TOP2B: variants seen among roughly 807,000 people sequenced by gnomAD.
TOP2B encodes DNA topoisomerase 2-beta.
Under a neutral mutation model 193.5 loss-of-function variants are expected in TOP2B, and 51 were observed. The ratio of observed to expected loss-of-function variants is 0.26; its 90% CI spans 0.21 to 0.33. The LOEUF (loss-of-function observed/expected upper bound fraction) is 0.33, where lower values mean the gene tolerates loss of function less well. TOP2B is among the 10% of genes least tolerant of loss of function. TOP2B has a pLI of 1.00. For synonymous variants in TOP2B, 634 were observed against 635.7 expected (o/e 1.00, Z 0.04); for missense variants, 1,378 against 1,909.3 (o/e 0.72, Z 5.19).
intron 7 of TOP2B, among the ~76,000 whole-genome samples, chr3:25,635,721 A>G (rs1703089143): frequency 6.6e-6 from 1 of 152,112 alleles, no homozygotes; most frequent in Admixed American, 6.6e-5. Flanking sequence ...GTATCAAATA[A>G]TGTAACATAT....
chr3:25,600,775 CAGTT>C (rs1702071809), intron 34 of TOP2B, among the ~76,000 whole-genome samples: 1 of 152,190 alleles, frequency 6.6e-6, no homozygotes, highest in Non-Finnish European at 1.5e-5. Context: ...ATAAGTGTCA[CAGTT>C]AGTGTGGAGT....
At chr3:25,633,740 T>C (rs2125382265) in intron 8 of TOP2B, 101 bp downstream of exon 8, 1 of 985,486 alleles carries the variant, frequency 1.0e-6, no homozygotes, top group Middle Eastern at 3.5e-4. Flanking sequence ...CAAAAACAGA[T>C]TTGGGTTTTT....
chr3:25,600,371 G>C (rs1332932233), intron 34 of TOP2B, among the ~76,000 whole-genome samples: 1 of 152,170 alleles, frequency 6.6e-6, no homozygotes, highest in Non-Finnish European at 1.5e-5. Context: ...CAGGGAAATA[G>C]CATTTTTGAA....
At chr3:25,650,102 A>C (rs1703541370) in intron 1 of TOP2B, among the ~76,000 whole-genome samples, 1 of 152,214 alleles carries the variant, frequency 6.6e-6, no homozygotes, top group African/African-American at 2.4e-5. Flanking sequence ...TCAGGATTAT[A>C]AGATGGATGC....
chr3:25,612,723 A>G lies in TOP2B; in HGVS notation c.3592-14T>C, dbSNP rs756656732. Reference sequence around the variant, plus strand: ...AGATTCCACTTTCTAAAGTATAATCATAAGGCAGAAGGAACATAAACAACT... The same window carrying G: ...AGATTCCACTTTCTAAAGTATAATCGTAAGGCAGAAGGAACATAAACAACT... On this transcript the variant is annotated splice_polypyrimidine_tract_variant and intron_variant, in intron 27 of 35. Transcript: ENST00000264331. The G allele has an allele frequency of 3.1e-6, 5 of 1,605,746 alleles. No homozygotes were observed. In the Admixed American group the frequency reaches 8.4e-5, roughly 27 times the overall value.
At chr3:25,621,986 CT>C (rs1490499860) in intron 21 of TOP2B, among the ~76,000 whole-genome samples, 7 of 149,522 alleles carry the variant, frequency 4.7e-5, no homozygotes, top group Admixed American at 4.0e-4. Context: ...GAGACTCTGT[CT>C]CAGAAAAAAA....
At position 25,637,265 on chromosome 3, in the gene TOP2B, T is replaced by C; in HGVS notation, c.589A>G (p.Lys197Glu). The change falls in exon 6 of 36, where the codon AAG (lysine) becomes GAG (glutamate). Residue 197 changes from lysine (K) to glutamate (E), a missense_variant. By Grantham distance (56) the Lys-to-Glu change is moderately conservative. Transcript: ENST00000264331. ...TTGCAAGCTGTTTCTACTGTAAACT[T>C]TGTACTGAAAATATTACAAAGTTTT... ...GAKLCNIFST[K>E]FTVETACKEY... 2 of 1,561,206 alleles carry C rather than the reference T, an allele frequency of 1.3e-6. No homozygotes were observed. The highest frequency in any genetic ancestry group is 1.7e-6 in the Non-Finnish European group (2 of 1,151,114).
rs573937337 is a variant in TOP2B, at chr3:25,599,741, C to A, written c.4616-212G>T. On this transcript the variant is annotated intron_variant, in intron 34 of 35. Coordinates refer to ENST00000264331, the MANE Select transcript of TOP2B (RefSeq NM_001330700.2). ...AGACTTTTTGACAAATACATTTAAACTAGTGGGAAAGTCCCAAAGACAAAT... is the reference window on the plus strand; with the variant it reads ...AGACTTTTTGACAAATACATTTAAAATAGTGGGAAAGTCCCAAAGACAAAT... 6.6e-5 allele frequency among the ~76,000 whole-genome samples: 10 copies of A among 152,300 alleles called. No homozygotes were observed. The South Asian group carries it at 1.9e-3, about 28-fold the overall frequency.
intron 1 of TOP2B, among the ~76,000 whole-genome samples, chr3:25,655,520 C>A (rs957927644): frequency 1.7e-4 from 26 of 152,292 alleles, no homozygotes; most frequent in Admixed American, 1.7e-3. Context: ...ATCCAGCAAT[C>A]CCACTTTTGG....
chr3:25,642,410 G>A, intron 3 of TOP2B, 25 bp from the exon 4 acceptor site: 1 of 1,445,988 alleles, frequency 6.9e-7, no homozygotes, highest in Non-Finnish European at 9.4e-7. Flanking sequence ...ACCTCAATGA[G>A]TAATATACAA....
chr3:25,612,786 A>G, intron 27 of TOP2B, 77 bp from the exon 28 acceptor site: 1 of 1,074,704 alleles, frequency 9.3e-7, no homozygotes, highest in Non-Finnish European at 1.4e-6. Context: ...AAAATACTGA[A>G]ACAAATGTTA....
chr3:25,611,273 C>A (rs1340925915), intron 28 of TOP2B, among the ~76,000 whole-genome samples: 3 of 152,140 alleles, frequency 2.0e-5, no homozygotes, highest in Admixed American at 6.5e-5. Flanking sequence ...AAACCATCTT[C>A]CGAGGGAGAC....
At chr3:25,644,611 G>C (rs890704959) in intron 2 of TOP2B, among the ~76,000 whole-genome samples, 6 of 144,674 alleles carry the variant, frequency 4.1e-5, no homozygotes, top group Admixed American at 2.1e-4. Context: ...TGAGGCAGGA[G>C]AATCGTTTGA....
chr3:25,603,627 G>A (rs1208495953), intron 33 of TOP2B, among the ~76,000 whole-genome samples: 1 of 152,160 alleles, frequency 6.6e-6, no homozygotes, highest in Non-Finnish European at 1.5e-5. Context: ...TAATCCTAGA[G>A]TATGGATTCA....
At chr3:25,602,947 G>A (rs768139377) in intron 33 of TOP2B, among the ~76,000 whole-genome samples, 3 of 152,170 alleles carry the variant, frequency 2.0e-5, no homozygotes, top group Non-Finnish European at 4.4e-5. Context: ...TATTTCGTAA[G>A]GGAGGCTAAA....
chr3:25,615,633 A>C (rs753599928), intron 25 of TOP2B, 47 bp from the exon 26 acceptor site: 141 of 1,322,748 alleles, frequency 1.1e-4, no homozygotes, highest in Non-Finnish European at 1.3e-4. Flanking sequence ...ATAGTATCAA[A>C]TTAATGTTGA....
Position 25,662,335 on chromosome 3 carries a change from C to T in TOP2B, c.69+1894G>A, listed in dbSNP as rs561038870. 7.9e-5 allele frequency among the ~76,000 whole-genome samples: 12 copies of T among 152,288 alleles called. No homozygotes were observed. The East Asian group carries it at 2.1e-3, about 27-fold the overall frequency. Reference sequence around the variant, plus strand: ...TTGCCTCCCATAAAATCAAACCAGTCTATATGATCAATGATGTATATTATG... The same window carrying T: ...TTGCCTCCCATAAAATCAAACCAGTTTATATGATCAATGATGTATATTATG... On this transcript the variant is annotated intron_variant, in intron 1 of 35. Transcript: ENST00000264331.
chr3:25,624,341 A>C lies in TOP2B; in HGVS notation c.2451T>G (p.Gly817=). Residue 817 remains glycine (G), a synonymous_variant, in exon 20 of 36, where the codon GGT becomes GGG. Transcript: ENST00000264331. ...AACGAGGGCTTGCAGCATCTTTGCC[A>C]CCATGAAGCCGAGTTCCAAACTGAC... ...PIGQFGTRLH[G]GKDAASPRYI... 6.2e-7 allele frequency: 1 copy of C among 1,613,954 alleles called. No homozygotes were observed. Among genetic ancestry groups the C allele is most frequent in the Non-Finnish European group, 8.5e-7 (1 of 1,179,846 alleles).
intron 18 of TOP2B, among the ~76,000 whole-genome samples, chr3:25,626,114 T>A (rs1047739715): frequency 6.6e-6 from 1 of 152,004 alleles, no homozygotes; most frequent in African/African-American, 2.4e-5. Flanking sequence ...TAACGAGAAA[T>A]AGTTTCTAAA....
Sources: gnomAD v4.1 joint callset for allele counts (sites outside exome capture counted in the v4.1 genomes callset) on GRCh38, gnomAD v4.1.1 for gene constraint, MANE v1.5 for transcripts, NCBI Gene and HGNC (gene_info 2026-07-23, HGNC 2026-07-21) for gene names.